Variants in PLEKHB1 observed in about 807,000 individuals in gnomAD.
The protein encoded by PLEKHB1 is pleckstrin homology domain-containing family B member 1.
Under a neutral mutation model 36.2 loss-of-function variants are expected in PLEKHB1, and 29 were observed. The ratio of observed to expected loss-of-function variants is 0.80; its 90% CI spans 0.60 to 1.09. PLEKHB1 has a LOEUF of 1.09. Among genes scored for constraint, PLEKHB1 ranks in the 50% least tolerant of loss-of-function variants. The probability of loss-of-function intolerance (pLI) is 0.00; values close to 1 mark genes in which losing one functional copy is unlikely to be tolerated. For missense variants in PLEKHB1, 330 were observed against 348.2 expected (o/e 0.95, Z 0.42); for synonymous variants, 138 against 140.0 (o/e 0.99, Z 0.10).
intron 6 of PLEKHB1, among the ~76,000 whole-genome samples, chr11:73,657,736 C>T (rs1276072781): frequency 6.6e-6 from 1 of 152,210 alleles, no homozygotes; most frequent in East Asian, 1.9e-4. Context: ...ACTTCCCCAC[C>T]AATAAAATTG....
intron 3 of PLEKHB1, chr11:73,651,499 A>G (rs1011697459): frequency 4.4e-5 from 26 of 596,944 alleles, no homozygotes; most frequent in South Asian, 3.3e-4. Context: ...GGCCCAGAGA[A>G]GCGAAGTGGC....
chr11:73,653,565 C>G (rs1944939654), intron 5 of PLEKHB1: 3 of 426,704 alleles, frequency 7.0e-6, no homozygotes, highest in South Asian at 5.0e-5. Flanking sequence ...AATAACAGCT[C>G]TGACAGAGAT....
chr11:73,646,607 C>G lies in PLEKHB1; in HGVS notation c.-2C>G. ...AAATGCTGCCCTGGCCACCCAGGAACCATGAGCCCTGCAGCCCCGGTAAGG... is the reference window on the plus strand; with the variant it reads ...AAATGCTGCCCTGGCCACCCAGGAAGCATGAGCCCTGCAGCCCCGGTAAGG... On this transcript the variant is annotated 5_prime_UTR_variant, in exon 1 of 8. Transcript: ENST00000354190. 6.4e-7 allele frequency: 1 copy of G among 1,551,570 alleles called. No homozygotes were observed. The highest frequency in any genetic ancestry group is 8.7e-7 in the Non-Finnish European group (1 of 1,146,988).
At chr11:73,658,974 G>A (rs530711100) in intron 6 of PLEKHB1, among the ~76,000 whole-genome samples, 25 of 152,096 alleles carry the variant, frequency 1.6e-4, no homozygotes, top group Admixed American at 5.9e-4. Context: ...TATGGGGCTG[G>A]GTACTTTGGG....
intron 1 of PLEKHB1, chr11:73,647,275 T>C (rs1286324596): frequency 2.0e-5 from 3 of 152,226 alleles, no homozygotes; most frequent in Non-Finnish European, 4.4e-5. Context: ...TGTGTTTCCA[T>C]GTAATCTCCC....
chr11:73,653,706 G>C (rs1944943054), intron 5 of PLEKHB1, among the ~76,000 whole-genome samples: 1 of 152,164 alleles, frequency 6.6e-6, no homozygotes, highest in Non-Finnish European at 1.5e-5. Context: ...CCAGGCAGAG[G>C]GATCAGCATG....
intron 1 of PLEKHB1, 129 bp downstream of exon 1, chr11:73,646,755 G>A: frequency 1.0e-6 from 1 of 1,001,232 alleles, no homozygotes; most frequent in Non-Finnish European, 1.5e-6. Context: ...TCCTGTGGCT[G>A]CTGGTAGGTG....
At chr11:73,649,203 T>A (rs117474375) in intron 2 of PLEKHB1, 116 bp downstream of exon 2, 533 of 1,268,620 alleles carry the variant, frequency 4.2e-4, no homozygotes, top group Non-Finnish European at 5.5e-4. Context: ...CCCTTGTTTG[T>A]CCATGCTCTT....
Position 73,650,584 on chromosome 11 carries a change from G to C in PLEKHB1, c.126G>C (p.Trp42Cys). 1 of 1,613,188 alleles carries C rather than the reference G, an allele frequency of 6.2e-7. No homozygotes were observed. The highest frequency in any genetic ancestry group is 8.5e-7 in the Non-Finnish European group (1 of 1,179,606). Reference protein sequence around the residue: ...SSILRRWKRNWFALWLDGTLG... With the variant: ...SSILRRWKRNCFALWLDGTLG... ...TCCTCCGCCGCTGGAAGCGGAACTG[G>C]TTTGCCCTGTGGCTGGACGGGACCC... Residue 42 changes from tryptophan to cysteine, a missense_variant, in exon 3 of 8, where the codon TGG becomes TGC. Coordinates refer to ENST00000354190, the MANE Select transcript of PLEKHB1 (RefSeq NM_021200.3).
At chr11:73,655,741 G>A (rs1003630688) in intron 5 of PLEKHB1, 62 bp from the exon 6 acceptor site, 4 of 1,444,306 alleles carry the variant, frequency 2.8e-6, no homozygotes, top group Admixed American at 3.5e-5. Flanking sequence ...CTCTTTAGGT[G>A]TAGAGGGCCT....
intron 5 of PLEKHB1, among the ~76,000 whole-genome samples, chr11:73,654,558 G>A (rs1944957397): frequency 6.6e-6 from 1 of 152,168 alleles, no homozygotes; most frequent in African/African-American, 2.4e-5. Context: ...AGAGAGGGGA[G>A]GTGACTTGTC....
intron 6 of PLEKHB1, chr11:73,660,188 T>G (rs994828512): frequency 6.4e-6 from 1 of 155,244 alleles, no homozygotes; most frequent in South Asian, 2.0e-4. Flanking sequence ...ACTCTAGGTG[T>G]GTGCCACCTA....
intron 4 of PLEKHB1, 21 bp downstream of exon 4, chr11:73,651,911 G>A (rs1481354220): frequency 6.2e-7 from 1 of 1,605,786 alleles, no homozygotes; most frequent in South Asian, 1.1e-5. Context: ...CCCAGGAGAG[G>A]ATGGGGTGGA....
In PLEKHB1 at chr11:73,655,910, A is replaced by G. The variant is rs774174369; in HGVS notation, c.495+3A>G. The G allele has an allele frequency of 1.9e-6, 3 of 1,613,404 alleles. No individual in the cohort carries two copies. Among genetic ancestry groups the G allele is most frequent in the Non-Finnish European group, 2.5e-6 (3 of 1,179,622 alleles). Reference sequence around the variant, plus strand: ...GTAAGGTTGAGAGGCGGATCTGGGTAAGTGCTGGCTCGGCCCTCCCTGCCT... The same window carrying G: ...GTAAGGTTGAGAGGCGGATCTGGGTGAGTGCTGGCTCGGCCCTCCCTGCCT... On this transcript the variant is annotated splice_donor_region_variant and intron_variant, in intron 6 of 7. Transcript: ENST00000354190.
At chr11:73,651,156 C>T (rs1053631357) in intron 3 of PLEKHB1, among the ~76,000 whole-genome samples, 2 of 151,734 alleles carry the variant, frequency 1.3e-5, no homozygotes, top group Non-Finnish European at 2.9e-5. Context: ...TCAAGACCAG[C>T]CTGGGCAACA....
In PLEKHB1 at chr11:73,661,031, G is replaced by A; in HGVS notation, c.595+179G>A. ...AGACTGGGAGAGCTCTGGAACCAGC[G>A]TTCGTCTCGAGCTGACCTCACCCTT... is the stretch of plus-strand genomic sequence containing the variant. On this transcript the variant is annotated intron_variant, in intron 7 of 7. Coordinates refer to ENST00000354190, the MANE Select transcript of PLEKHB1 (RefSeq NM_021200.3). This position sits in a 1 kb window ranked among gnomAD's most constrained non-coding sequence, Gnocchi z 4.6. 2 of 661,266 alleles carry A rather than the reference G, an allele frequency of 3.0e-6. No individual in the cohort carries two copies. The highest frequency in any genetic ancestry group is 5.2e-6 in the Non-Finnish European group (2 of 384,188). 41.0% of individuals were successfully genotyped at this position (661,266 alleles called of 1,614,324 possible).
In PLEKHB1 at chr11:73,651,854, G is replaced by T; in HGVS notation, c.314G>T (p.Arg105Leu). The T allele has an allele frequency of 6.2e-7, 1 of 1,613,544 alleles. No individual in the cohort carries two copies. ...LLTVNLREGG[R>L]LHLCAETKDD... ...ACTGTGAACCTACGGGAAGGCGGCC[G>T]CCTGCACCTCTGTGCGGAGACCAAG... is the stretch of plus-strand genomic sequence containing the variant. Residue 105 changes from arginine (R) to leucine (L), a missense_variant, in exon 4 of 8, where the codon CGC becomes CTC. Physicochemically the swap from Arg to Leu is moderately radical, Grantham distance 102. Coordinates refer to ENST00000354190, the MANE Select transcript of PLEKHB1 (RefSeq NM_021200.3).
chr11:73,649,855 A>G (rs1205913884), intron 2 of PLEKHB1, among the ~76,000 whole-genome samples: 2 of 152,224 alleles, frequency 1.3e-5, no homozygotes, highest in African/African-American at 4.8e-5. Flanking sequence ...CATAGCCCCC[A>G]GAGTGGTACA....
chr11:73,658,868 C>T (rs1355602581), intron 6 of PLEKHB1, among the ~76,000 whole-genome samples: 1 of 152,222 alleles, frequency 6.6e-6, no homozygotes. Flanking sequence ...CCTCCCGCCT[C>T]AGCCTCCCAA....
Sources: allele counts gnomAD v4.1 joint callset (sites outside exome capture counted in the v4.1 genomes callset), GRCh38; gene constraint gnomAD v4.1.1; non-coding constraint Gnocchi (gnomAD v3.1); transcripts MANE v1.5; gene names NCBI Gene and HGNC (gene_info 2026-07-23, HGNC 2026-07-21).